Variants in KCTD3 observed in about 807,000 individuals in gnomAD.
KCTD3 encodes the protein potassium channel tetramerization domain containing 3.
In KCTD3, 41 loss-of-function variants were observed where a neutral mutation model predicts 85.8. That is an observed-to-expected ratio of 0.48 (90% confidence interval 0.37 to 0.62). The LOEUF (loss-of-function observed/expected upper bound fraction) is 0.62. Among genes scored for constraint, KCTD3 ranks in the 20% least tolerant of loss-of-function variants. The probability of loss-of-function intolerance (pLI) is 0.00; values close to 1 mark genes in which losing one functional copy is unlikely to be tolerated. For synonymous variants in KCTD3, 338 were observed against 345.4 expected, an observed-to-expected ratio of 0.98 and a Z score of 0.24; for missense variants, 724 against 989.9, an observed-to-expected ratio of 0.73 and a Z score of 3.60.
intron 8 of KCTD3, among the ~76,000 whole-genome samples, chr1:215,585,664 C>T (rs898402974): frequency 2.0e-4 from 31 of 152,112 alleles, no homozygotes; most frequent in African/African-American, 5.8e-4. Flanking sequence ...ATTATGATTA[C>T]GTAACTGCTA....
At chr1:215,613,737 C>T (rs1227953295) in intron 15 of KCTD3, among the ~76,000 whole-genome samples, 2 of 152,072 alleles carry the variant, frequency 1.3e-5, no homozygotes, top group East Asian at 1.9e-4. Context: ...GTAATCCCAG[C>T]ACCATTTATT....
chr1:215,602,989 A>G (rs959725533), intron 12 of KCTD3, among the ~76,000 whole-genome samples: 1 of 152,218 alleles, frequency 6.6e-6, no homozygotes, highest in Admixed American at 6.5e-5. Flanking sequence ...TTTCTAGCCA[A>G]GCTGGCTCTT....
At chr1:215,601,054 C>T (rs1312491408) in intron 10 of KCTD3, among the ~76,000 whole-genome samples, 2 of 152,158 alleles carry the variant, frequency 1.3e-5, no homozygotes, top group Non-Finnish European at 2.9e-5. Flanking sequence ...TCTCCTGCCT[C>T]AGCCTCCCGA....
Position 215,620,688 on chromosome 1 carries a change from A to G in KCTD3, c.*70A>G, listed in dbSNP as rs1031272117. ...GTTAAACTTTACTGAATTTCAGTAC[A>G]TTAGTTTTTACACTAAAACTTTACA... On this transcript the variant is annotated 3_prime_UTR_variant, in exon 18 of 18. Transcript: ENST00000259154. The G allele has an allele frequency of 8.1e-5, 90 of 1,116,316 alleles. No individual in the cohort carries two copies. Among genetic ancestry groups the G allele is most frequent in the Non-Finnish European group, 7.5e-5 (59 of 786,602 alleles). 69.2% of individuals were successfully genotyped at this position (1,116,316 alleles called of 1,614,324 possible). A position where few individuals can be genotyped will look rare whatever the true frequency, so the allele number is the denominator to read the frequency against.
chr1:215,591,789 C>T (rs1660237007), intron 9 of KCTD3, among the ~76,000 whole-genome samples: 1 of 152,208 alleles, frequency 6.6e-6, no homozygotes, highest in East Asian at 1.9e-4. Flanking sequence ...ACTGTATCTA[C>T]TAACTCTAGC....
chr1:215,576,115 C>T (rs1659567512), intron 4 of KCTD3, 141 bp downstream of exon 4: 1 of 590,404 alleles, frequency 1.7e-6, no homozygotes, highest in Non-Finnish European at 3.0e-6. Flanking sequence ...GGCTGGAGTG[C>T]AGGAGTGCAG....
intron 1 of KCTD3, among the ~76,000 whole-genome samples, chr1:215,572,538 A>T (rs192531420): frequency 6.6e-6 from 1 of 152,196 alleles, no homozygotes; most frequent in African/African-American, 2.4e-5. Flanking sequence ...GTGCTATTTA[A>T]TAGCCCACTT....
At chr1:215,616,561 G>C (rs1005814508) in intron 15 of KCTD3, among the ~76,000 whole-genome samples, 3 of 152,098 alleles carry the variant, frequency 2.0e-5, no homozygotes, top group Non-Finnish European at 4.4e-5. Flanking sequence ...GGGAGTTCAA[G>C]ATCAGCCTGA....
intron 13 of KCTD3, among the ~76,000 whole-genome samples, chr1:215,607,094 A>G (rs1441395493): frequency 6.6e-6 from 1 of 151,916 alleles, no homozygotes; most frequent in Non-Finnish European, 1.5e-5. Flanking sequence ...CCAAAATTAA[A>G]TTTCTTTCTA....
At chr1:215,605,398 C>G (rs1654976695) in intron 13 of KCTD3, among the ~76,000 whole-genome samples, 1 of 152,084 alleles carries the variant, frequency 6.6e-6, no homozygotes, top group Non-Finnish European at 1.5e-5. Flanking sequence ...ACTCCCCTGC[C>G]CCACTGAGGA....
At position 215,619,013 on chromosome 1, in the gene KCTD3, A is replaced by G; in HGVS notation, c.1690A>G (p.Ile564Val). 6.2e-7 allele frequency: 1 copy of G among 1,613,948 alleles called. No homozygotes were observed. Among genetic ancestry groups the G allele is most frequent in the East Asian group, 2.2e-5 (1 of 44,886 alleles). Residue 564 changes from isoleucine (I) to valine (V), a missense_variant, in exon 16 of 18, where the codon ATT becomes GTT. This residue lies in a region of KCTD3 where 136 missense variants were observed against 197.6 expected (regional missense o/e 0.69). Coordinates refer to ENST00000259154, the MANE Select transcript of KCTD3 (RefSeq NM_016121.5). ...YLFTGHTNGS[I>V]QMWDLTTAMD... ...GTTCACAGGCCATACAAATGGCAGT[A>G]TTCAAATGTGGGATCTGACCACTGC...
Position 215,610,097 on chromosome 1 carries a change from A to G in KCTD3, c.1466-1728A>G, listed in dbSNP as rs117541551. Among the ~76,000 whole-genome samples the G allele has an allele frequency of 2.7e-3, 405 of 152,060 alleles. 15 individuals are homozygous for G. In the East Asian group the frequency reaches 0.065, roughly 24 times the overall value. Reference sequence around the variant, plus strand: ...ATTCCTCTTTATAGTGGTATTTAAAATATATATATCTTCATAGACAAATGG... The same window carrying G: ...ATTCCTCTTTATAGTGGTATTTAAAGTATATATATCTTCATAGACAAATGG... On this transcript the variant is annotated intron_variant, in intron 14 of 17. Coordinates refer to ENST00000259154, the MANE Select transcript of KCTD3 (RefSeq NM_016121.5).
chr1:215,567,830 G>A (rs989740890), intron 1 of KCTD3, 62 bp downstream of exon 1: 1 of 1,089,490 alleles, frequency 9.2e-7, no homozygotes, highest in Non-Finnish European at 1.2e-6. Context: ...CTTTGGTGTC[G>A]ACGGGGACCG....
In KCTD3 at chr1:215,579,036, C is replaced by A. The variant is rs749411888; in HGVS notation, c.434C>A (p.Ser145Tyr). Residue 145 changes from serine to tyrosine, a missense_variant, in exon 7 of 18, where the codon TCT (serine) becomes TAT (tyrosine). Physicochemically the swap from Ser to Tyr is moderately radical, Grantham distance 144. This residue lies in a region of KCTD3 where 106 missense variants were observed against 98.2 expected (regional missense o/e 1.08). Coordinates refer to ENST00000259154, the MANE Select transcript of KCTD3 (RefSeq NM_016121.5). ...CGTAAAATAAACAACACAGTCAGAT[C>A]TGCTGATTCTAGGAATGGTCTAAAT... ...PSRKINNTVR[S>Y]ADSRNGLNST... The A allele has an allele frequency of 3.2e-5, 51 of 1,573,020 alleles. No individual in the cohort carries two copies. Among genetic ancestry groups the A allele is most frequent in the Admixed American group, 8.0e-5 (4 of 49,824 alleles).
intron 6 of KCTD3, 124 bp from the exon 7 acceptor site, chr1:215,578,876 T>C: frequency 1.9e-6 from 1 of 533,900 alleles, no homozygotes; most frequent in South Asian, 3.2e-5. Context: ...AATAATTTGC[T>C]ATATTGGAAG....
Position 215,607,945 on chromosome 1 carries a change from T to C in KCTD3, c.1310-72T>C, listed in dbSNP as rs1571896091. 6.5e-6 allele frequency: 8 copies of C among 1,221,536 alleles called. No individual in the cohort carries two copies. The East Asian group carries it at 1.9e-4, about 30-fold the overall frequency. The allele number at this position is 1,221,536 out of a possible 1,614,324, so 75.7% of individuals were successfully genotyped here. On this transcript the variant is annotated intron_variant, in intron 13 of 17. Transcript: ENST00000259154. ...TATACTCTGATCTGTGTAATATAGA[T>C]GATAGTGAAAAAAGTTAAAATGAGT...
At chr1:215,604,029 G>T in intron 12 of KCTD3, 103 bp from the exon 13 acceptor site, 1 of 824,624 alleles carries the variant, frequency 1.2e-6, no homozygotes, top group Non-Finnish European at 1.9e-6. Context: ...GATATAAACA[G>T]TGAATCCAGC....
At chr1:215,570,225 A>T (rs1332095528) in intron 1 of KCTD3, among the ~76,000 whole-genome samples, 2 of 151,650 alleles carry the variant, frequency 1.3e-5, no homozygotes, top group Non-Finnish European at 2.9e-5. Context: ...TGCTATCGGT[A>T]AGGTCTTTTT....
rs145091964 is a variant in KCTD3 at position 215,606,527 on chromosome 1, G to T, written c.1310-1490G>T. Among the ~76,000 whole-genome samples the T allele has an allele frequency of 2.6e-5, 4 of 152,126 alleles. No individual in the cohort carries two copies. In the South Asian group the frequency reaches 8.3e-4, roughly 32 times the overall value. On this transcript the variant is annotated intron_variant, in intron 13 of 17. Transcript: ENST00000259154. ...ATTCAGTTCTCTGAGAAAATGGGCC[G>T]TTTTGAAGGGTTATTGTGATGTTTA...
Sources: allele counts gnomAD v4.1 joint callset (sites outside exome capture counted in the v4.1 genomes callset), GRCh38; gene constraint gnomAD v4.1.1; regional missense constraint gnomAD v4.1.1; transcripts MANE v1.5; gene names NCBI Gene and HGNC (gene_info 2026-07-23, HGNC 2026-07-21).